Variants in CEP83 observed in about 807,000 individuals in gnomAD.
The protein encoded by CEP83 is centrosomal protein 83, also known as centrosomal protein of 83 kDa.
Under a neutral mutation model 101.9 loss-of-function variants are expected in CEP83, and 70 were observed. The ratio of observed to expected loss-of-function variants is 0.69; its 90% CI spans 0.57 to 0.84. The LOEUF (loss-of-function observed/expected upper bound fraction) is 0.84, where lower values mean the gene tolerates loss of function less well. CEP83 is among the 40% of genes least tolerant of loss of function. CEP83 has a pLI of 0.00. For missense variants in CEP83, 715 were observed against 787.2 expected, an observed-to-expected ratio of 0.91 and a Z score of 1.10; for synonymous variants, 264 against 267.9, an observed-to-expected ratio of 0.99 and a Z score of 0.14.
In CEP83 at chr12:94,403,218, T is replaced by C. The variant is rs745855442; in HGVS notation, c.369A>G (p.Gln123=). 5.7e-6 allele frequency: 9 copies of C among 1,585,914 alleles called. No homozygotes were observed. The Admixed American group carries it at 6.7e-5, about 12-fold the overall frequency. Residue 123 remains glutamine (Q), a synonymous_variant, in exon 5 of 17, where the codon CAA becomes CAG. Coordinates refer to ENST00000397809, the MANE Select transcript of CEP83 (RefSeq NM_016122.3). ...QKLELLRAQI[Q]QELETPMRER... ...CTCTCATTGGAGTTTCTAATTCTTG[T>C]TGTATTTGGGCTCTTAGCAATTCCA...
chr12:94,303,637 T>A, downstream of CEP83: 1 of 822,122 alleles, frequency 1.2e-6, no homozygotes. Context: ...TAGCAAGAGG[T>A]AAAACTGGTT....
Position 94,403,158 on chromosome 12 carries a change from T to TA in CEP83, c.417+11dup. The TA allele has an allele frequency of 7.6e-7, 1 of 1,310,350 alleles. No individual in the cohort carries two copies. Among genetic ancestry groups the TA allele is most frequent in the Non-Finnish European group, 1.1e-6 (1 of 906,028 alleles). The allele number at this position is 1,310,350 out of a possible 1,614,324, so 81.2% of individuals were successfully genotyped here. A position where few individuals can be genotyped will look rare whatever the true frequency, so the allele number is the denominator to read the frequency against. On this transcript the variant is annotated intron_variant, in intron 5 of 16. Coordinates refer to ENST00000397809, the MANE Select transcript of CEP83 (RefSeq NM_016122.3). Reference sequence around the variant, plus strand: ...GAGGATAAATGCATAGTAAACAACATAAGTTACTTACTTCATCTAGATTCC... The same window carrying TA: ...GAGGATAAATGCATAGTAAACAACATAAAGTTACTTACTTCATCTAGATTCC...
At chr12:94,393,107 T>A (rs2062661951) in intron 6 of CEP83, among the ~76,000 whole-genome samples, 1 of 152,086 alleles carries the variant, frequency 6.6e-6, no homozygotes, top group Non-Finnish European at 1.5e-5. Flanking sequence ...AAAGAGGGAA[T>A]CCTCCCTAAC....
chr12:94,375,885 CTTTACTGGACAATGTA>C lies in CEP83; in HGVS notation c.918_933del (p.Asn306LysfsTer2). ...TGAAACAGAAACATAAAACAACTTA[CTTTACTGGACAATGTA>C]TTTATTTCTCGTTCAGCTTTATGCA... On this transcript the variant is annotated frameshift_variant and splice_region_variant, in exon 8 of 17. Transcript: ENST00000397809. LOFTEE classifies it high-confidence loss of function. 7.0e-7 allele frequency: 1 copy of C among 1,428,004 alleles called. No individual in the cohort carries two copies. Among genetic ancestry groups the C allele is most frequent in the Non-Finnish European group, 9.4e-7 (1 of 1,062,170 alleles). The allele number at this position is 1,428,004 out of a possible 1,614,324, so 88.5% of individuals were successfully genotyped here.
chr12:94,450,301 G>C (rs1203858451), intron 1 of CEP83, among the ~76,000 whole-genome samples: 1 of 152,128 alleles, frequency 6.6e-6, no homozygotes, highest in Non-Finnish European at 1.5e-5. Context: ...TTCTAGGCTG[G>C]AGTGCAGTGG....
Position 94,308,753 on chromosome 12 carries a change from T to G in CEP83, c.*60A>C. 8.9e-7 allele frequency: 1 copy of G among 1,128,856 alleles called. No individual in the cohort carries two copies. 69.9% of individuals were successfully genotyped at this position (1,128,856 alleles called of 1,614,324 possible). A position where few individuals can be genotyped will look rare whatever the true frequency, so the allele number is the denominator to read the frequency against. On this transcript the variant is annotated 3_prime_UTR_variant, in exon 17 of 17. Transcript: ENST00000397809. ...AGTATCTAAATGCCACAGGTTAAAA[T>G]GTCAAGTTTTACTGAGTCACCAACT...
At chr12:94,301,772 CTT>C (rs1193653246), downstream of CEP83, among the ~76,000 whole-genome samples, 1 of 152,172 alleles carries the variant, frequency 6.6e-6, no homozygotes, top group Non-Finnish European at 1.5e-5. Context: ...AATCTAAACT[CTT>C]TATCAGCAGT....
intron 1 of CEP83, among the ~76,000 whole-genome samples, chr12:94,449,779 T>TAAAAAAA (rs71071787): frequency 3.5e-4 from 17 of 48,570 alleles, no homozygotes; most frequent in Non-Finnish European, 4.1e-4. Context: ...TCTCAAACAA[T>TAAAAAAA]AAAAAAAAAA....
Position 94,308,930 on chromosome 12 carries a change from T to A in CEP83, c.2002-13A>T. ...GATGTTGTTCCTCCTTAAAATGATG[T>A]AGAGAAAGCATAGCAAAAGAAACTA... On this transcript the variant is annotated splice_polypyrimidine_tract_variant and intron_variant, in intron 16 of 16. Transcript: ENST00000397809. The A allele has an allele frequency of 2.5e-6, 4 of 1,568,738 alleles. No individual in the cohort carries two copies. The highest frequency in any genetic ancestry group is 3.5e-6 in the Non-Finnish European group (4 of 1,139,670).
At chr12:94,354,411 C>T (rs563288600) in intron 11 of CEP83, among the ~76,000 whole-genome samples, 1 of 152,174 alleles carries the variant, frequency 6.6e-6, no homozygotes, top group African/African-American at 2.4e-5. Context: ...CTCTCCAACT[C>T]CTGACCTCAA....
chr12:94,413,818 TAATA>T lies in CEP83; in HGVS notation c.-101-1231_-101-1228del, dbSNP rs796873637. Among the ~76,000 whole-genome samples, 387 of 138,126 alleles carry T rather than the reference TAATA, an allele frequency of 2.8e-3. 2 individuals are homozygous for T. Among genetic ancestry groups the T allele is most frequent in the African/African-American group, 0.01 (372 of 37,018 alleles). The allele number at this position is 138,126 out of a possible 152,430, so 90.6% of individuals were successfully genotyped here. A position where few individuals can be genotyped will look rare whatever the true frequency, so the allele number is the denominator to read the frequency against. ...CCTTTAATTTCTTTCTCTAGTCCCA[TAATA>T]CATACACACACACACACACACACAC... On this transcript the variant is annotated intron_variant, in intron 2 of 16. Coordinates refer to ENST00000397809, the MANE Select transcript of CEP83 (RefSeq NM_016122.3).
At chr12:94,323,982 C>T (rs1002504382) in intron 14 of CEP83, among the ~76,000 whole-genome samples, 2 of 152,208 alleles carry the variant, frequency 1.3e-5, no homozygotes, top group Admixed American at 6.5e-5. Context: ...TTGAATTACA[C>T]TGAACAATTT....
intron 11 of CEP83, among the ~76,000 whole-genome samples, chr12:94,358,558 T>C (rs1565981135): frequency 6.6e-6 from 1 of 152,192 alleles, no homozygotes; most frequent in Non-Finnish European, 1.5e-5. Context: ...TGCTGAACAA[T>C]TAGAAAATGG....
At chr12:94,380,077 A>C (rs1322602790) in intron 6 of CEP83, among the ~76,000 whole-genome samples, 2 of 139,298 alleles carry the variant, frequency 1.4e-5, no homozygotes, top group African/African-American at 2.5e-5. Context: ...CCTGCAAAAA[A>C]AAAAAAAAAA....
At position 94,327,082 on chromosome 12, in the gene CEP83, T is replaced by C. The variant is rs117321371; in HGVS notation, c.1707+4618A>G. On this transcript the variant is annotated intron_variant, in intron 14 of 16. Coordinates refer to ENST00000397809, the MANE Select transcript of CEP83 (RefSeq NM_016122.3). ...GAAGAATAACTTCTACTGAAAGAAA[T>C]GCAAAGTCCAGAGGTAAAATTAGTG... Among the ~76,000 whole-genome samples, 120 of 152,300 alleles carry C rather than the reference T, an allele frequency of 7.9e-4. 1 individual carries two copies. In the East Asian group the frequency reaches 0.022, roughly 28 times the overall value.
chr12:94,445,437 T>C (rs2066729082), intron 1 of CEP83, among the ~76,000 whole-genome samples: 1 of 152,056 alleles, frequency 6.6e-6, no homozygotes, highest in South Asian at 2.1e-4. Context: ...ACTTCTCAGA[T>C]ATAACACCAA....
intron 14 of CEP83, among the ~76,000 whole-genome samples, chr12:94,330,458 C>T: frequency 6.6e-6 from 1 of 152,120 alleles, no homozygotes; most frequent in East Asian, 1.9e-4. Context: ...TTAGAAGATC[C>T]ATCTAGATAC....
At chr12:94,337,083 T>G (rs1026316213) in intron 11 of CEP83, among the ~76,000 whole-genome samples, 17 of 152,204 alleles carry the variant, frequency 1.1e-4, no homozygotes, top group African/African-American at 3.4e-4. Context: ...TAGCTCCAGT[T>G]GAGAATCTGG....
At chr12:94,416,574 A>ACACACACAC (rs60134327) in intron 2 of CEP83, among the ~76,000 whole-genome samples, 2 of 116,770 alleles carry the variant, frequency 1.7e-5, no homozygotes, top group South Asian at 2.5e-4. Flanking sequence ...ACACACACAC[A>ACACACACAC]AAAAAAAAAA....
Sources: allele counts gnomAD v4.1 joint callset (sites outside exome capture counted in the v4.1 genomes callset), GRCh38; gene constraint gnomAD v4.1.1; transcripts MANE v1.5; gene names NCBI Gene and HGNC (gene_info 2026-07-23, HGNC 2026-07-21).